PDE11A: variants seen among roughly 807,000 people sequenced by gnomAD.
PDE11A encodes the protein dual 3',5'-cyclic-AMP and -GMP phosphodiesterase 11A.
Under a neutral mutation model 100.5 loss-of-function variants are expected in PDE11A, and 100 were observed. That is an observed-to-expected ratio of 1.00 (90% CI 0.85 to 1.18). The LOEUF is 1.18. Ranked by LOEUF, PDE11A falls within the 50% of genes most tolerant of loss-of-function variation. The probability of loss-of-function intolerance (pLI) is 0.00; values close to 1 mark genes in which losing one functional copy is unlikely to be tolerated. For missense variants in PDE11A, 1,141 were observed against 1,152.6 expected, an observed-to-expected ratio of 0.99 and a Z score of 0.15; for synonymous variants, 381 against 420.8, an observed-to-expected ratio of 0.91 and a Z score of 1.16.
intron 6 of PDE11A, among the ~76,000 whole-genome samples, chr2:177,829,613 T>TTTC (rs2083279376): frequency 1.3e-5 from 2 of 150,440 alleles, no homozygotes; most frequent in South Asian, 4.2e-4. Context: ...CTGGCTAATT[T>TTTC]TTTTTTTTTT....
At chr2:177,944,434 C>G (rs2085379465) in intron 2 of PDE11A, among the ~76,000 whole-genome samples, 1 of 152,154 alleles carries the variant, frequency 6.6e-6, no homozygotes, top group Admixed American at 6.5e-5. Context: ...ATAGGGTGCC[C>G]TCTAACTGAG....
chr2:177,903,937 A>G (rs193279035), intron 3 of PDE11A, among the ~76,000 whole-genome samples: 4 of 152,250 alleles, frequency 2.6e-5, no homozygotes, highest in African/African-American at 9.6e-5. Context: ...AGATCAAAAC[A>G]GAGAAAAGAT....
intron 19 of PDE11A, among the ~76,000 whole-genome samples, chr2:177,650,332 T>TC (rs1334239861): frequency 6.6e-6 from 1 of 152,228 alleles, no homozygotes; most frequent in African/African-American, 2.4e-5. Context: ...ATTTGAAGGG[T>TC]CCCATCCATC....
chr2:177,634,658 G>A (rs947640656), intron 19 of PDE11A, among the ~76,000 whole-genome samples: 1 of 152,136 alleles, frequency 6.6e-6, no homozygotes, highest in African/African-American at 2.4e-5. Flanking sequence ...AAAGTGCTGG[G>A]ATTACAGGCG....
rs2079861955 is a variant in PDE11A at position 177,628,009 on chromosome 2, G to A, written c.*1398C>T. On this transcript the variant is annotated 3_prime_UTR_variant, in exon 20 of 20. Coordinates refer to ENST00000286063, the MANE Select transcript of PDE11A (RefSeq NM_016953.4). ...CCCCCATGTACGTAATCAAAGAGATGAAGGTTTGTAGGTGCTCTGGATGTC... is the reference window on the plus strand; with the variant it reads ...CCCCCATGTACGTAATCAAAGAGATAAAGGTTTGTAGGTGCTCTGGATGTC... 6.6e-6 allele frequency: 1 copy of A among 152,186 alleles called. No individual in the cohort carries two copies. The highest frequency in any genetic ancestry group is 6.5e-5 in the Admixed American group (1 of 15,284). The allele number at this position is 152,186 out of a possible 1,614,324, so 9.4% of individuals were successfully genotyped here. A position where few individuals can be genotyped will look rare whatever the true frequency, so the allele number is the denominator to read the frequency against.
chr2:177,916,546 C>A (rs1442919791), intron 2 of PDE11A, among the ~76,000 whole-genome samples: 1 of 152,126 alleles, frequency 6.6e-6, no homozygotes, highest in African/African-American at 2.4e-5. Flanking sequence ...TGGTCCTAGA[C>A]TGAACTGAAC....
chr2:177,708,285 T>C (rs1031514923), intron 13 of PDE11A, among the ~76,000 whole-genome samples: 4 of 152,192 alleles, frequency 2.6e-5, no homozygotes, highest in African/African-American at 9.7e-5. Flanking sequence ...TGGAACACTA[T>C]GGAACACTAT....
intron 10 of PDE11A, among the ~76,000 whole-genome samples, chr2:177,750,708 G>A (rs1223347510): frequency 6.6e-6 from 1 of 152,208 alleles, no homozygotes; most frequent in Non-Finnish European, 1.5e-5. Flanking sequence ...ATGCCCACAA[G>A]GGTATAAAGT....
chr2:178,070,181 C>A (rs1282707086), intron 1 of PDE11A, among the ~76,000 whole-genome samples: 2 of 152,108 alleles, frequency 1.3e-5, no homozygotes, highest in African/African-American at 4.8e-5. Context: ...TGTTGCTTCA[C>A]CTACACCTTT....
chr2:177,629,329 A>G lies in PDE11A; in HGVS notation c.*78T>C. The G allele has an allele frequency of 7.8e-7, 1 of 1,287,178 alleles. No homozygotes were observed. Among genetic ancestry groups the G allele is most frequent in the South Asian group, 1.2e-5 (1 of 84,480 alleles). The allele number at this position is 1,287,178 out of a possible 1,614,324, so 79.7% of individuals were successfully genotyped here. Reference sequence around the variant, plus strand: ...ATGTTAGGTCTTTCTGAGCTAAAAGAACAAAAGGATGACATTGCTGGACTG... The same window carrying G: ...ATGTTAGGTCTTTCTGAGCTAAAAGGACAAAAGGATGACATTGCTGGACTG... On this transcript the variant is annotated 3_prime_UTR_variant, in exon 20 of 20. Transcript: ENST00000286063.
At chr2:178,054,049 C>A (rs2086865621) in intron 1 of PDE11A, among the ~76,000 whole-genome samples, 1 of 152,140 alleles carries the variant, frequency 6.6e-6, no homozygotes, top group African/African-American at 2.4e-5. Flanking sequence ...GCCCGCATCG[C>A]CAAGTCAATC....
intron 9 of PDE11A, among the ~76,000 whole-genome samples, chr2:177,788,657 A>T (rs186028962): frequency 0.021 from 3,205 of 152,216 alleles, 101 homozygotes; most frequent in African/African-American, 0.073. Flanking sequence ...CTAATAAAGA[A>T]AAAAAGAGAG....
At chr2:178,036,609 C>G (rs534713049) in intron 1 of PDE11A, among the ~76,000 whole-genome samples, 1 of 152,288 alleles carries the variant, frequency 6.6e-6, no homozygotes, top group African/African-American at 2.4e-5. Context: ...GTCATGCTAC[C>G]TGACTTTAAA....
intron 15 of PDE11A, among the ~76,000 whole-genome samples, chr2:177,683,636 C>T (rs1530034): frequency 0.61 from 92,366 of 152,076 alleles, 31,427 homozygotes; most frequent in Non-Finnish European, 0.74. Context: ...TTAACAGGAA[C>T]CTCTCTTGCT....
intron 2 of PDE11A, among the ~76,000 whole-genome samples, chr2:177,938,139 G>A (rs544695844): frequency 6.6e-6 from 1 of 152,266 alleles, no homozygotes; most frequent in South Asian, 2.1e-4. Flanking sequence ...GAAGGGAGGA[G>A]GGAAGAGTGC....
intron 2 of PDE11A, among the ~76,000 whole-genome samples, chr2:177,972,159 T>C (rs192770566): frequency 3.3e-5 from 5 of 152,004 alleles, no homozygotes; most frequent in Non-Finnish European, 7.4e-5. Flanking sequence ...GACAATGTCA[T>C]GAAAAGGAAA....
chr2:177,666,739 ATTGAG>A (rs140549335), intron 18 of PDE11A, among the ~76,000 whole-genome samples: 123,158 of 151,356 alleles, frequency 0.81, 50,817 homozygotes, highest in East Asian at 0.98. Context: ...TATCTTTTAA[ATTGAG>A]TTATCTTTCT....
chr2:177,635,655 A>G (rs1298911080), intron 19 of PDE11A, among the ~76,000 whole-genome samples: 1 of 152,162 alleles, frequency 6.6e-6, no homozygotes, highest in Admixed American at 6.5e-5. Flanking sequence ...ACTATTTCCC[A>G]GACACTCAGT....
At chr2:177,891,042 A>G (rs1390341035) in intron 4 of PDE11A, among the ~76,000 whole-genome samples, 3 of 152,216 alleles carry the variant, frequency 2.0e-5, no homozygotes, top group African/African-American at 7.2e-5. Context: ...CATTTTCACT[A>G]CTATAGGAAT....
Sources: gnomAD v4.1 joint callset for allele counts (sites outside exome capture counted in the v4.1 genomes callset) on GRCh38, gnomAD v4.1.1 for gene constraint, MANE v1.5 for transcripts, NCBI Gene and HGNC (gene_info 2026-07-23, HGNC 2026-07-21) for gene names.